ALDH1L1: variants seen among roughly 807,000 people sequenced by gnomAD.
The protein encoded by ALDH1L1 is aldehyde dehydrogenase 1 family member L1, also known as cytosolic 10-formyltetrahydrofolate dehydrogenase.
In ALDH1L1, 68 loss-of-function variants were observed where a neutral mutation model predicts 101.1. The ratio of observed to expected loss-of-function variants is 0.67; its 90% CI spans 0.55 to 0.82. The LOEUF (loss-of-function observed/expected upper bound fraction) is 0.82, where lower values mean the gene tolerates loss of function less well. Ranked by LOEUF, ALDH1L1 falls within the 40% of genes least tolerant of loss-of-function variation. The pLI is 0.00. For missense variants in ALDH1L1, 1,087 were observed against 1,172.7 expected (o/e 0.93, Z 1.07); for synonymous variants, 486 against 470.8 (o/e 1.03, Z -0.42).
chr3:126,171,744 G>C (rs2081281589), intron 1 of ALDH1L1, among the ~76,000 whole-genome samples: 1 of 152,116 alleles, frequency 6.6e-6, no homozygotes, highest in Admixed American at 6.5e-5. Flanking sequence ...AAGTGATGAG[G>C]AAAAACCCAA....
At chr3:126,106,890 T>C (rs1379463889) in intron 21 of ALDH1L1, among the ~76,000 whole-genome samples, 2 of 152,194 alleles carry the variant, frequency 1.3e-5, no homozygotes, top group African/African-American at 4.8e-5. Flanking sequence ...TGCTGGAGCA[T>C]GTGACAAGTG....
upstream of ALDH1L1, among the ~76,000 whole-genome samples, chr3:126,184,992 C>A (rs888696416): frequency 6.6e-6 from 1 of 152,184 alleles, no homozygotes; most frequent in Non-Finnish European, 1.5e-5. Context: ...CTGATCCCCA[C>A]CCCTTAGAAC....
At chr3:126,124,708 C>T (rs1185073576) in intron 15 of ALDH1L1, among the ~76,000 whole-genome samples, 3 of 152,180 alleles carry the variant, frequency 2.0e-5, no homozygotes, top group Non-Finnish European at 4.4e-5. Context: ...GGGCTCCAGC[C>T]GGCCAGGCCT....
At chr3:126,109,041 C>T (rs754538409) in intron 20 of ALDH1L1, among the ~76,000 whole-genome samples, 29 of 152,308 alleles carry the variant, frequency 1.9e-4, no homozygotes, top group East Asian at 1.9e-4. Flanking sequence ...GTCAGGGAGG[C>T]AGAGGAGGCC....
rs748335553 is a variant in ALDH1L1, at chr3:126,157,416, C to G, written c.455G>C (p.Cys152Ser). The G allele has an allele frequency of 5.0e-6, 8 of 1,614,046 alleles. No individual in the cohort carries two copies. Among genetic ancestry groups the G allele is most frequent in the Non-Finnish European group, 6.8e-6 (8 of 1,180,022 alleles). The change falls in exon 4 of 23, where the codon TGT becomes TCT. Residue 152 changes from cysteine (C) to serine (S), a missense_variant. Coordinates refer to ENST00000393434, the MANE Select transcript of ALDH1L1 (RefSeq NM_012190.4). ...CACGGTGTCGTCCGGGAGCACCTCA[C>G]ACTCCTTCTGCAGCAGCAGGTCTCC... ...DTGDLLLQKE[C>S]EVLPDDTVST...
intron 3 of ALDH1L1, 148 bp from the exon 4 acceptor site, chr3:126,157,656 G>A (rs1454015048): frequency 1.2e-6 from 1 of 834,918 alleles, no homozygotes; most frequent in Non-Finnish European, 1.9e-6. Flanking sequence ...AACGGAAGAA[G>A]GAAAACAGCA....
rs147639168 is a variant in ALDH1L1 at position 126,126,430 on chromosome 3, G to A, written c.1695-709C>T. Among the ~76,000 whole-genome samples, 1,218 of 152,286 alleles carry A rather than the reference G, an allele frequency of 8.0e-3. 6 individuals carry two copies. Among genetic ancestry groups the A allele is most frequent in the Middle Eastern group, 0.024 (7 of 294 alleles). On this transcript the variant is annotated intron_variant, in intron 14 of 22. Transcript: ENST00000393434. ...GATGAGGACATCCACACAGAGCCCC[G>A]TAGACCACGCACAGGCTCCTGTCGC... is the stretch of plus-strand genomic sequence containing the variant.
intron 1 of ALDH1L1, among the ~76,000 whole-genome samples, chr3:126,167,480 C>T (rs4646700): frequency 0.54 from 81,723 of 151,882 alleles, 22,326 homozygotes; most frequent in Middle Eastern, 0.61. Flanking sequence ...ATTTAGAATG[C>T]AAGCTAAGTA....
At chr3:126,121,761 A>G (rs919481018) in intron 16 of ALDH1L1, among the ~76,000 whole-genome samples, 1 of 152,232 alleles carries the variant, frequency 6.6e-6, no homozygotes, top group Non-Finnish European at 1.5e-5. Context: ...CCTCCCCTTG[A>G]GGGAAGCTCC....
intron 7 of ALDH1L1, chr3:126,153,094 T>C (rs2080836564): frequency 1.1e-5 from 4 of 369,784 alleles, no homozygotes; most frequent in Admixed American, 7.6e-5. Context: ...CCCAGAGGTG[T>C]TTCTGATAGA....
intron 22 of ALDH1L1, chr3:126,105,350 A>G (rs1260953584): frequency 1.1e-5 from 4 of 348,956 alleles, no homozygotes; most frequent in Non-Finnish European, 2.2e-5. Context: ...CTCCACGACC[A>G]AAGCTGGTTC....
At chr3:126,155,525 C>T in intron 4 of ALDH1L1, 22 bp from the exon 5 acceptor site, 3 of 1,597,628 alleles carry the variant, frequency 1.9e-6, no homozygotes, top group East Asian at 2.2e-5. Flanking sequence ...CAGTGGGTTG[C>T]TATCCCCAGC....
intron 1 of ALDH1L1, among the ~76,000 whole-genome samples, chr3:126,163,367 G>C (rs941546166): frequency 6.6e-6 from 1 of 151,042 alleles, no homozygotes; most frequent in African/African-American, 2.4e-5. Flanking sequence ...GGTTTTCTAA[G>C]TATAAAATCA....
chr3:126,163,693 G>T (rs1028644228), intron 1 of ALDH1L1, among the ~76,000 whole-genome samples: 6 of 152,288 alleles, frequency 3.9e-5, no homozygotes, highest in African/African-American at 1.4e-4. Flanking sequence ...TTTTATTGTG[G>T]TGGATCATAA....
chr3:126,115,656 C>A (rs1277841990), intron 17 of ALDH1L1, among the ~76,000 whole-genome samples: 4 of 152,026 alleles, frequency 2.6e-5, no homozygotes, highest in Non-Finnish European at 1.5e-5. Flanking sequence ...GCTCATGCAA[C>A]CTCCACCTCC....
At chr3:126,131,273 G>T in intron 13 of ALDH1L1, 111 bp downstream of exon 13, 1 of 1,323,194 alleles carries the variant, frequency 7.6e-7, no homozygotes, top group Non-Finnish European at 1.0e-6. Flanking sequence ...CAAGCCACCA[G>T]TTGTGGTCAT....
intron 1 of ALDH1L1, among the ~76,000 whole-genome samples, chr3:126,189,851 G>A (rs1033033697): frequency 4.6e-5 from 7 of 152,122 alleles, no homozygotes; most frequent in Non-Finnish European, 7.4e-5. Context: ...CTGATTCCCC[G>A]CAAAGCCAAT....
rs78526510 is a variant in ALDH1L1 at position 126,164,672 on chromosome 3, G to C, written c.-23-3670C>G. Reference sequence around the variant, plus strand: ...TCACTGCTGTTGTGAATAGTCCAACGACGAACATACAAGCGCATGTGTCTT... The same window carrying C: ...TCACTGCTGTTGTGAATAGTCCAACCACGAACATACAAGCGCATGTGTCTT... On this transcript the variant is annotated intron_variant, in intron 1 of 22. Coordinates refer to ENST00000393434, the MANE Select transcript of ALDH1L1 (RefSeq NM_012190.4). 4.2e-3 allele frequency among the ~76,000 whole-genome samples: 635 copies of C among 152,330 alleles called. 2 individuals carry two copies. The highest frequency in any genetic ancestry group is 7.4e-3 in the Non-Finnish European group (505 of 68,032).
Position 126,118,073 on chromosome 3 carries a change from T to G in ALDH1L1, c.1914A>C (p.Ser638=). 1 of 1,613,922 alleles carries G rather than the reference T, an allele frequency of 6.2e-7. No individual in the cohort carries two copies. The highest frequency in any genetic ancestry group is 8.5e-7 in the Non-Finnish European group (1 of 1,179,942). ...CGATTTTCCTCACATCAGGATGGTC[T>G]GAGAGTCTCTGGCCGACCAGGGAGC... ...GSGSLVGQRL[S]DHPDVRKIGF... is the part of the protein sequence containing the mutation. The change falls in exon 17 of 23, where the codon TCA becomes TCC. Residue 638 remains serine, a synonymous_variant. Coordinates refer to ENST00000393434, the MANE Select transcript of ALDH1L1 (RefSeq NM_012190.4).
Sources: gnomAD v4.1 joint callset for allele counts (sites outside exome capture counted in the v4.1 genomes callset) on GRCh38, gnomAD v4.1.1 for gene constraint, MANE v1.5 for transcripts, NCBI Gene and HGNC (gene_info 2026-07-23, HGNC 2026-07-21) for gene names.